Variants in EBF3 observed in about 807,000 individuals in gnomAD.
The protein encoded by EBF3 is transcription factor COE3.
Under a neutral mutation model 77.1 loss-of-function variants are expected in EBF3, and 18 were observed. That is an observed-to-expected ratio of 0.23 (90% confidence interval 0.16 to 0.35). The LOEUF (loss-of-function observed/expected upper bound fraction) is 0.35, where lower values mean the gene tolerates loss of function less well. EBF3 is among the 10% of genes least tolerant of loss of function. The probability of loss-of-function intolerance (pLI) is 1.00; values close to 1 mark genes in which losing one functional copy is unlikely to be tolerated. For missense variants in EBF3, 558 were observed against 860.0 expected (o/e 0.65, Z 4.39); for synonymous variants, 350 against 343.5 (o/e 1.02, Z -0.21).
At position 129,863,289 on chromosome 10, in the gene EBF3, C is replaced by T. The variant is rs1015695633; in HGVS notation, c.1039+3852G>A. ...TTTGTGACTCATTCTTTTAATTCAC[C>T]GTGCTAATCAACTGAACCGCCACAG... On this transcript the variant is annotated intron_variant, in intron 10 of 16. Transcript: ENST00000440978. The surrounding 1 kb of genome is among the most constrained non-coding windows in gnomAD (Gnocchi z 4.0). Among the ~76,000 whole-genome samples the T allele has an allele frequency of 1.3e-5, 2 of 152,150 alleles. No homozygotes were observed. The highest frequency in any genetic ancestry group is 2.9e-5 in the Non-Finnish European group (2 of 68,026).
intron 6 of EBF3, among the ~76,000 whole-genome samples, chr10:129,892,171 T>C (rs1854062258): frequency 6.6e-6 from 1 of 152,218 alleles, no homozygotes; most frequent in Non-Finnish European, 1.5e-5. Context: ...GGTCCCAGGC[T>C]CCAACTGATG....
intron 10 of EBF3, among the ~76,000 whole-genome samples, chr10:129,862,741 A>G (rs1338633665): frequency 3.3e-5 from 5 of 152,268 alleles, no homozygotes; most frequent in African/African-American, 9.6e-5. Flanking sequence ...CCTCAGTAAC[A>G]TAATTTCAAT....
At position 129,899,693 on chromosome 10, in the gene EBF3, C is replaced by T. The variant is rs143724488; in HGVS notation, c.555-21844G>A. Among the ~76,000 whole-genome samples the T allele has an allele frequency of 2.1e-3, 315 of 152,218 alleles. 1 individual carries two copies. Among genetic ancestry groups the T allele is most frequent in the African/African-American group, 7.5e-3 (310 of 41,530 alleles). On this transcript the variant is annotated intron_variant, in intron 6 of 16. Transcript: ENST00000440978. ...CACACCAGGGGCCACACTCGCAGAA[C>T]CGGAAAGGACGCCAGCACCGTGCGT...
chr10:129,889,066 G>A (rs187716151), intron 6 of EBF3, among the ~76,000 whole-genome samples: 1 of 152,284 alleles, frequency 6.6e-6, no homozygotes, highest in Admixed American at 6.5e-5. Flanking sequence ...GAGCTCATGG[G>A]AAGGAACCAG....
At chr10:129,961,434 G>T (rs1353296811) in intron 4 of EBF3, among the ~76,000 whole-genome samples, 2 of 152,188 alleles carry the variant, frequency 1.3e-5, no homozygotes. Context: ...AAAAAGCAGT[G>T]ACGCACTTTT....
chr10:129,945,750 C>A (rs1019947311), intron 6 of EBF3, among the ~76,000 whole-genome samples: 4 of 152,162 alleles, frequency 2.6e-5, no homozygotes, highest in South Asian at 2.1e-4. Flanking sequence ...CTCATATTTC[C>A]TTGGAATTGC....
chr10:129,937,217 T>C (rs1445460362), intron 6 of EBF3, among the ~76,000 whole-genome samples: 2 of 151,922 alleles, frequency 1.3e-5, no homozygotes, highest in East Asian at 3.9e-4. Flanking sequence ...GGGGGCCGGG[T>C]CGACAAGGGA....
In EBF3 at chr10:129,885,404, C is replaced by G. The variant is rs781635506; in HGVS notation, c.555-7555G>C. Among the ~76,000 whole-genome samples the G allele has an allele frequency of 1.3e-5, 2 of 152,186 alleles. No homozygotes were observed. The highest frequency in any genetic ancestry group is 2.9e-5 in the Non-Finnish European group (2 of 68,030). ...ATCCCAGAGCTACAAGCTTCGTCAG[C>G]CACCCCACTCCGCCCGCTGTCAGTG... On this transcript the variant is annotated intron_variant, in intron 6 of 16. Transcript: ENST00000440978. This position sits in a 1 kb window ranked among gnomAD's most constrained non-coding sequence, Gnocchi z 4.0.
At chr10:129,930,819 CTCATA>C (rs959057708) in intron 6 of EBF3, among the ~76,000 whole-genome samples, 34 of 148,374 alleles carry the variant, frequency 2.3e-4, no homozygotes, top group African/African-American at 8.2e-4. Context: ...AAATCCCCCT[CTCATA>C]TATCTATATC....
chr10:129,864,465 A>G lies in EBF3; in HGVS notation c.1039+2676T>C, dbSNP rs1851855826. Reference sequence around the variant, plus strand: ...AGGCAAAGTGCAAAGAAAGGACTGGACCTTTCAGCAATCTTCTTTCTTAAA... The same window carrying G: ...AGGCAAAGTGCAAAGAAAGGACTGGGCCTTTCAGCAATCTTCTTTCTTAAA... On this transcript the variant is annotated intron_variant, in intron 10 of 16. Transcript: ENST00000440978. This position sits in a 1 kb window ranked among gnomAD's most constrained non-coding sequence, Gnocchi z 4.4. Among the ~76,000 whole-genome samples the G allele has an allele frequency of 6.6e-6, 1 of 152,180 alleles. No homozygotes were observed.
At chr10:129,884,603 G>A (rs1382891564) in intron 6 of EBF3, among the ~76,000 whole-genome samples, 1 of 152,142 alleles carries the variant, frequency 6.6e-6, no homozygotes, top group Non-Finnish European at 1.5e-5. Context: ...CATAGCGAAG[G>A]GGCAGAGGGC....
intron 6 of EBF3, among the ~76,000 whole-genome samples, chr10:129,901,184 A>C (rs957383160): frequency 6.6e-6 from 1 of 152,214 alleles, no homozygotes; most frequent in South Asian, 2.1e-4. Flanking sequence ...AGCTGGGAAG[A>C]AGCCAGAGGC....
rs573706178 is a variant in EBF3 at position 129,837,632 on chromosome 10, G to A, written c.*311C>T. 110 of 363,254 alleles carry A rather than the reference G, an allele frequency of 3.0e-4. No individual in the cohort carries two copies. The highest frequency in any genetic ancestry group is 7.6e-4 in the Middle Eastern group (1 of 1,314). The allele number at this position is 363,254 out of a possible 1,614,324, so 22.5% of individuals were successfully genotyped here. On this transcript the variant is annotated 3_prime_UTR_variant, in exon 17 of 17. Coordinates refer to ENST00000440978, the MANE Select transcript of EBF3 (RefSeq NM_001375380.1). Reference sequence around the variant, plus strand: ...TACTAGACATGGCCAAGACGGAGTCGGAAACTTTATACAAAATAGGCGTCG... The same window carrying A: ...TACTAGACATGGCCAAGACGGAGTCAGAAACTTTATACAAAATAGGCGTCG...
intron 6 of EBF3, among the ~76,000 whole-genome samples, chr10:129,888,596 G>A (rs979412119): frequency 2.0e-5 from 3 of 152,222 alleles, no homozygotes; most frequent in African/African-American, 4.8e-5. Flanking sequence ...CCCTCTGTGC[G>A]GATGCCCAGA....
chr10:129,837,768 ATAGTT>A lies in EBF3; in HGVS notation c.*170_*174del, dbSNP rs1849698372. ...TAGGCTGTTTGCATGTTGATTCTTA[ATAGTT>A]TAAATAAAATCTTTAAACAAAGTCT... On this transcript the variant is annotated 3_prime_UTR_variant, in exon 17 of 17. Transcript: ENST00000440978. 1 of 755,342 alleles carries A rather than the reference ATAGTT, an allele frequency of 1.3e-6. No individual in the cohort carries two copies. The highest frequency in any genetic ancestry group is 2.2e-6 in the Non-Finnish European group (1 of 462,920). The allele number at this position is 755,342 out of a possible 1,614,324, so 46.8% of individuals were successfully genotyped here.
At chr10:129,858,051 G>A (rs1272888610) in intron 10 of EBF3, among the ~76,000 whole-genome samples, 2 of 152,238 alleles carry the variant, frequency 1.3e-5, no homozygotes, top group Non-Finnish European at 2.9e-5. Flanking sequence ...AAGGGGAGCA[G>A]TCCCCTGGTG....
At chr10:129,961,121 G>C (rs1314720582) in intron 4 of EBF3, among the ~76,000 whole-genome samples, 1 of 152,214 alleles carries the variant, frequency 6.6e-6, no homozygotes, top group Admixed American at 6.5e-5. Flanking sequence ...GCAGAGAGTG[G>C]GAGGCATATG....
chr10:129,849,671 A>G (rs748896067), intron 10 of EBF3, among the ~76,000 whole-genome samples: 63 of 152,334 alleles, frequency 4.1e-4, no homozygotes, highest in African/African-American at 1.4e-3. Flanking sequence ...AAAGTTGAGG[A>G]CCACAATATG....
intron 4 of EBF3, among the ~76,000 whole-genome samples, chr10:129,960,624 TTTCC>T (rs1859432808): frequency 7.7e-6 from 1 of 129,616 alleles, no homozygotes; most frequent in Admixed American, 9.5e-5. Flanking sequence ...GGGCTATTTC[TTTCC>T]TTTTTTTTTT....
Sources: gnomAD v4.1 joint callset for allele counts (sites outside exome capture counted in the v4.1 genomes callset) on GRCh38, gnomAD v4.1.1 for gene constraint, Gnocchi (gnomAD v3.1) non-coding constraint, MANE v1.5 for transcripts, NCBI Gene and HGNC (gene_info 2026-07-23, HGNC 2026-07-21) for gene names.